Variants in MND1 observed in about 807,000 individuals in gnomAD.
MND1 encodes the protein meiotic nuclear division protein 1 homolog.
In MND1, 28 loss-of-function variants were observed where a neutral mutation model predicts 35.1. The observed-to-expected ratio is 0.80, with a 90% CI of 0.59 to 1.09. MND1 has a LOEUF of 1.09. MND1 is among the 50% of genes least tolerant of loss of function. The pLI is 0.00. For missense variants in MND1, 213 were observed against 239.6 expected (o/e 0.89, Z 0.73); for synonymous variants, 69 against 70.5 (o/e 0.98, Z 0.11).
At chr4:153,354,150 T>C (rs935493812) in intron 2 of MND1, among the ~76,000 whole-genome samples, 1 of 152,190 alleles carries the variant, frequency 6.6e-6, no homozygotes, top group Non-Finnish European at 1.5e-5. Context: ...ACAGGTTTTT[T>C]TTTTCTGGCC....
intron 4 of MND1, among the ~76,000 whole-genome samples, chr4:153,388,624 A>T (rs1728934175): frequency 6.6e-6 from 1 of 152,174 alleles, no homozygotes; most frequent in Non-Finnish European, 1.5e-5. Flanking sequence ...TGGATTTGTT[A>T]CAGTATATAA....
intron 7 of MND1, among the ~76,000 whole-genome samples, chr4:153,409,477 T>C (rs941812701): frequency 1.2e-4 from 18 of 152,262 alleles, no homozygotes; most frequent in African/African-American, 3.1e-4. Context: ...TTGAGGTAGA[T>C]ATGATTATTA....
intron 6 of MND1, among the ~76,000 whole-genome samples, chr4:153,402,133 G>A (rs888455066): frequency 3.2e-4 from 49 of 152,238 alleles, no homozygotes; most frequent in African/African-American, 1.1e-3. Context: ...CATCCTGGGT[G>A]ACAGAGCGAA....
At chr4:153,382,513 A>G (rs1404269805) in intron 4 of MND1, among the ~76,000 whole-genome samples, 1 of 152,250 alleles carries the variant, frequency 6.6e-6, no homozygotes, top group African/African-American at 2.4e-5. Flanking sequence ...TGTAAGAGGC[A>G]GAAGTAGAAA....
chr4:153,347,195 T>C (rs1393606593), intron 1 of MND1, among the ~76,000 whole-genome samples: 2 of 152,240 alleles, frequency 1.3e-5, no homozygotes, highest in Non-Finnish European at 2.9e-5. Context: ...CTAACTGTTA[T>C]GAATTTCATG....
chr4:153,362,047 A>C (rs987122065), intron 4 of MND1, among the ~76,000 whole-genome samples: 4 of 152,068 alleles, frequency 2.6e-5, no homozygotes, highest in African/African-American at 7.2e-5. Context: ...AGTTCTTTCC[A>C]TAACTATTTC....
At chr4:153,353,404 C>CATATATATATATAT (rs58280101) in intron 2 of MND1, among the ~76,000 whole-genome samples, 24 of 81,938 alleles carry the variant, frequency 2.9e-4, no homozygotes, top group South Asian at 4.6e-4. Context: ...GACTTTATCA[C>CATATATATATATAT]ATATATATAT....
intron 4 of MND1, among the ~76,000 whole-genome samples, chr4:153,374,534 T>A (rs1728442616): frequency 6.6e-6 from 1 of 152,258 alleles, no homozygotes; most frequent in African/African-American, 2.4e-5. Flanking sequence ...AAACTTAAGG[T>A]TATAGTAAAG....
At chr4:153,364,914 G>A (rs1433928978) in intron 4 of MND1, among the ~76,000 whole-genome samples, 2 of 152,072 alleles carry the variant, frequency 1.3e-5, no homozygotes, top group African/African-American at 4.8e-5. Context: ...TGAACCTTGA[G>A]GGCAATATGC....
At chr4:153,383,599 G>A (rs1446930029) in intron 4 of MND1, among the ~76,000 whole-genome samples, 1 of 152,156 alleles carries the variant, frequency 6.6e-6, no homozygotes, top group East Asian at 1.9e-4. Flanking sequence ...GCAGTCAGTG[G>A]ACTGGTAGAA....
At chr4:153,358,878 G>A (rs1477377300) in intron 4 of MND1, among the ~76,000 whole-genome samples, 1 of 152,058 alleles carries the variant, frequency 6.6e-6, no homozygotes, top group Non-Finnish European at 1.5e-5. Context: ...TTTATCAATA[G>A]ATGGTTTTTT....
At chr4:153,361,430 TC>T in intron 4 of MND1, 1 of 455,542 alleles carries the variant, frequency 2.2e-6, no homozygotes, top group South Asian at 1.6e-5. Flanking sequence ...AAGATTTCCT[TC>T]AGTCTTTGAT....
Position 153,344,746 on chromosome 4 carries a change from G to T in MND1, c.3+6G>T, listed in dbSNP as rs377116303. The stretch of plus-strand genomic sequence containing the variant: ...GCCCCTGCGCCCGCGCCATGGTAAG[G>T]ACTGAGGCTACGGTCCCGCGTCTTC... On this transcript the variant is annotated splice_donor_region_variant and intron_variant, in intron 1 of 7. Transcript: ENST00000240488. The T allele has an allele frequency of 1.2e-6, 2 of 1,601,028 alleles. No homozygotes were observed. Among genetic ancestry groups the T allele is most frequent in the Admixed American group, 1.7e-5 (1 of 59,050 alleles).
At chr4:153,352,594 C>G (rs1773241925) in intron 2 of MND1, among the ~76,000 whole-genome samples, 2 of 151,868 alleles carry the variant, frequency 1.3e-5, no homozygotes, top group Admixed American at 6.6e-5. Flanking sequence ...TTATCTAGGG[C>G]CAGGTGCCAC....
intron 4 of MND1, among the ~76,000 whole-genome samples, chr4:153,377,239 A>G (rs1311756832): frequency 6.6e-6 from 1 of 152,146 alleles, no homozygotes; most frequent in East Asian, 1.9e-4. Flanking sequence ...GATATTGTGT[A>G]TTGGTTTAGG....
At chr4:153,368,400 T>G (rs2149639050) in intron 4 of MND1, among the ~76,000 whole-genome samples, 1 of 152,332 alleles carries the variant, frequency 6.6e-6, no homozygotes, top group East Asian at 1.9e-4. Context: ...TCTTCTTCAC[T>G]AACAAAACAC....
chr4:153,412,559 C>T (rs554015783), intron 7 of MND1, among the ~76,000 whole-genome samples: 119 of 145,320 alleles, frequency 8.2e-4, no homozygotes, highest in Non-Finnish European at 1.1e-3. Context: ...CTCAGCTCAT[C>T]GCAACCTCCA....
intron 4 of MND1, among the ~76,000 whole-genome samples, chr4:153,386,028 TA>T: frequency 6.6e-6 from 1 of 152,254 alleles, no homozygotes; most frequent in East Asian, 1.9e-4. Flanking sequence ...TCACTGATTG[TA>T]GCAAATGTAC....
chr4:153,363,100 T>C (rs1325276552), intron 4 of MND1: 1 of 719,474 alleles, frequency 1.4e-6, no homozygotes, highest in African/African-American at 1.9e-5. Flanking sequence ...CTAGCTCTCC[T>C]TGTCTCATGA....
Sources: allele counts gnomAD v4.1 joint callset (sites outside exome capture counted in the v4.1 genomes callset), GRCh38; gene constraint gnomAD v4.1.1; transcripts MANE v1.5; gene names NCBI Gene and HGNC (gene_info 2026-07-23, HGNC 2026-07-21).